The following PRRC2B variants were observed in gnomAD, a reference collection of about 807,000 sequenced individuals.
The protein encoded by PRRC2B is proline rich coiled-coil 2B.
PRRC2B carries 68 observed loss-of-function variants against 242.3 expected under a neutral mutation model. The ratio of observed to expected loss-of-function variants is 0.28; its 90% CI spans 0.23 to 0.34. PRRC2B has a LOEUF of 0.34. Ranked by LOEUF, PRRC2B falls within the 10% of genes least tolerant of loss-of-function variation. The pLI is 1.00. For missense variants in PRRC2B, 2,835 were observed against 2,954.8 expected, an observed-to-expected ratio of 0.96 and a Z score of 0.94; for synonymous variants, 1,228 against 1,173.6, an observed-to-expected ratio of 1.05 and a Z score of -0.95.
At chr9:131,430,403 C>A in intron 2 of PRRC2B, 144 bp downstream of exon 2, 1 of 557,958 alleles carries the variant, frequency 1.8e-6, no homozygotes. Context: ...TCTCTACTTC[C>A]TACTTGAGGT....
At chr9:131,462,063 C>T (rs78577814) in intron 11 of PRRC2B, among the ~76,000 whole-genome samples, 8,035 of 151,346 alleles carry the variant, frequency 0.053, 286 homozygotes, top group Admixed American at 0.11. Context: ...TTTTTTTTTC[C>T]TTTTCACCAG....
At chr9:131,486,559 C>A in intron 26 of PRRC2B, 2 of 983,768 alleles carry the variant, frequency 2.0e-6, no homozygotes, top group Non-Finnish European at 2.4e-6. Flanking sequence ...TAGAAATGAG[C>A]AGGCGTTGGT....
At chr9:131,393,881 C>T (rs1335714620), upstream of PRRC2B, among the ~76,000 whole-genome samples, 1 of 151,068 alleles carries the variant, frequency 6.6e-6, no homozygotes, top group East Asian at 1.9e-4. Flanking sequence ...CCCCTCCCAG[C>T]CCCCTCCCGC....
chr9:131,405,314 A>G (rs775752337), intron 1 of PRRC2B, among the ~76,000 whole-genome samples: 28 of 152,204 alleles, frequency 1.8e-4, no homozygotes, highest in Non-Finnish European at 3.7e-4. Flanking sequence ...TGTATCAAGT[A>G]AAATGATTGT....
chr9:131,439,400 T>A (rs373984486), intron 5 of PRRC2B, among the ~76,000 whole-genome samples: 2 of 152,202 alleles, frequency 1.3e-5, no homozygotes, highest in African/African-American at 4.8e-5. Context: ...GTGGTCGTGG[T>A]GTGGGCAGAC....
At chr9:131,481,245 G>C (rs1047630435) in intron 19 of PRRC2B, among the ~76,000 whole-genome samples, 1 of 138,792 alleles carries the variant, frequency 7.2e-6, no homozygotes, top group Admixed American at 8.2e-5. Context: ...GGGAGGCAGA[G>C]CTTGGCAGTG....
intron 1 of PRRC2B, among the ~76,000 whole-genome samples, chr9:131,376,087 G>A (rs1299409284): frequency 2.7e-5 from 4 of 149,100 alleles, no homozygotes; most frequent in African/African-American, 7.4e-5. Context: ...GGTGGCTCAC[G>A]TCTGTAATCC....
rs1195553829 is a variant in PRRC2B at position 131,494,086 on chromosome 9, C to G, written c.6474-319C>G. 6.6e-6 allele frequency among the ~76,000 whole-genome samples: 1 copy of G among 152,218 alleles called. No individual in the cohort carries two copies. The highest frequency in any genetic ancestry group is 6.5e-5 in the Admixed American group (1 of 15,284). Reference sequence around the variant, plus strand: ...CGTGTTGGTCCAGACCCTGAGACGGCCAGTGTCGCTTTCTGCACAGCAGGA... The same window carrying G: ...CGTGTTGGTCCAGACCCTGAGACGGGCAGTGTCGCTTTCTGCACAGCAGGA... On this transcript the variant is annotated intron_variant, in intron 30 of 31. Transcript: ENST00000683519. The surrounding 1 kb of genome is among the most constrained non-coding windows in gnomAD (Gnocchi z 4.3).
At chr9:131,410,753 G>C (rs1183502414) in intron 1 of PRRC2B, among the ~76,000 whole-genome samples, 1 of 151,956 alleles carries the variant, frequency 6.6e-6, no homozygotes, top group African/African-American at 2.4e-5. Context: ...GACCTCACCT[G>C]ACTGGAGGAG....
rs772180420 is a variant in PRRC2B, at chr9:131,488,012, G to A, written c.6141G>A (p.Gly2047=). Residue 2047 remains glycine (G), a synonymous_variant, in exon 28 of 32, where the codon GGG becomes GGA. Transcript: ENST00000683519. ...GCTCACCCTACCAGCCCATGAGCGG[G>A]AACCAAGCCCTGGTCTACGAGGGCC... The part of the protein sequence containing the change: ...QSGSPYQPMS[G]NQALVYEGQL... 3.7e-6 allele frequency: 6 copies of A among 1,612,236 alleles called. No homozygotes were observed. In the African/African-American group the frequency reaches 6.7e-5, roughly 18 times the overall value.
chr9:131,408,306 A>G (rs921743165), intron 1 of PRRC2B, among the ~76,000 whole-genome samples: 2 of 152,230 alleles, frequency 1.3e-5, no homozygotes, highest in East Asian at 3.8e-4. Flanking sequence ...GCCAGGTTGT[A>G]AAGAAATATT....
chr9:131,449,677 T>G (rs1942850151), intron 9 of PRRC2B, among the ~76,000 whole-genome samples: 1 of 152,250 alleles, frequency 6.6e-6, no homozygotes, highest in Non-Finnish European at 1.5e-5. Flanking sequence ...ATATATTTCC[T>G]TATTGCATTC....
Position 131,486,593 on chromosome 9 carries a change from T to C in PRRC2B, c.5856+411T>C, listed in dbSNP as rs895154786. The C allele has an allele frequency of 1.8e-5, 17 of 953,890 alleles. No individual in the cohort carries two copies. In the Admixed American group the frequency reaches 4.3e-4, roughly 24 times the overall value. 59.1% of individuals were successfully genotyped at this position (953,890 alleles called of 1,614,324 possible). A position where few individuals can be genotyped will look rare whatever the true frequency, so the allele number is the denominator to read the frequency against. On this transcript the variant is annotated intron_variant, in intron 26 of 31. Transcript: ENST00000683519. Reference sequence around the variant, plus strand: ...GTTATTTATGCAGGACTGGCATACTTTCTGTGCTGCCAAGGGGTGATTTTT... The same window carrying C: ...GTTATTTATGCAGGACTGGCATACTCTCTGTGCTGCCAAGGGGTGATTTTT...
chr9:131,382,938 C>T (rs2007511), intron 1 of PRRC2B, among the ~76,000 whole-genome samples: 4 of 151,928 alleles, frequency 2.6e-5, no homozygotes. Context: ...AGCCACCGCA[C>T]CCAGCCAGGC....
intron 1 of PRRC2B, among the ~76,000 whole-genome samples, chr9:131,381,545 A>T (rs1296889220): frequency 7.2e-6 from 1 of 137,964 alleles, no homozygotes; most frequent in Non-Finnish European, 1.6e-5. Context: ...CAGCCTCCTG[A>T]GTAGTTGGGA....
rs1943604549 is a variant in PRRC2B at position 131,473,636 on chromosome 9, C to T, written c.2236C>T (p.Pro746Ser). The change falls in exon 15 of 32, where the codon CCA becomes TCA. Residue 746 changes from proline to serine, a missense_variant. This residue lies in a region of PRRC2B where 1,536 missense variants were observed against 1,483.1 expected (regional missense o/e 1.04). Transcript: ENST00000683519. The stretch of plus-strand genomic sequence containing the variant: ...CATCGACTCACCCCCTGTGTGGAGC[C>T]CAGAGGGCTACATGGCACTGCAGAG... ...TPIDSPPVWS[P>S]EGYMALQSKG... 1.2e-6 allele frequency: 2 copies of T among 1,613,572 alleles called. No individual in the cohort carries two copies. Among genetic ancestry groups the T allele is most frequent in the Admixed American group, 1.7e-5 (1 of 59,974 alleles).
At chr9:131,403,791 T>G (rs568624196) in intron 1 of PRRC2B, among the ~76,000 whole-genome samples, 3 of 152,256 alleles carry the variant, frequency 2.0e-5, no homozygotes, top group African/African-American at 4.8e-5. Flanking sequence ...TCAGTGCACG[T>G]ATAAATATGG....
At chr9:131,452,700 A>G (rs1942959011) in intron 9 of PRRC2B, among the ~76,000 whole-genome samples, 2 of 152,258 alleles carry the variant, frequency 1.3e-5, no homozygotes, top group South Asian at 2.1e-4. Context: ...TTCTGTATCT[A>G]TTTTAAATGA....
At chr9:131,402,089 C>T (rs538411301) in intron 1 of PRRC2B, among the ~76,000 whole-genome samples, 3 of 152,074 alleles carry the variant, frequency 2.0e-5, no homozygotes, top group Non-Finnish European at 4.4e-5. Flanking sequence ...CCTGCCTCAG[C>T]CTCCTGAATA....
Sources: gnomAD v4.1 joint callset for allele counts (sites outside exome capture counted in the v4.1 genomes callset) on GRCh38, gnomAD v4.1.1 for gene constraint, gnomAD v4.1.1 regional missense constraint, Gnocchi (gnomAD v3.1) non-coding constraint, MANE v1.5 for transcripts, NCBI Gene and HGNC (gene_info 2026-07-23, HGNC 2026-07-21) for gene names.